Variants in CAMK2G observed in about 807,000 individuals in gnomAD.
CAMK2G encodes the protein calcium/calmodulin dependent protein kinase II gamma.
A neutral mutation model predicts 88.7 loss-of-function variants in CAMK2G; 23 were observed. That is an observed-to-expected ratio of 0.26 (90% confidence interval 0.19 to 0.37). The LOEUF (loss-of-function observed/expected upper bound fraction) is 0.37. Ranked by LOEUF, CAMK2G falls within the 10% of genes least tolerant of loss-of-function variation. CAMK2G has a pLI of 1.00. For missense variants in CAMK2G, 476 were observed against 780.8 expected, an observed-to-expected ratio of 0.61 and a Z score of 4.65; for synonymous variants, 263 against 294.8, an observed-to-expected ratio of 0.89 and a Z score of 1.11.
chr10:73,868,067 T>C (rs1048881512), intron 2 of CAMK2G, among the ~76,000 whole-genome samples: 6 of 152,166 alleles, frequency 3.9e-5, no homozygotes, highest in African/African-American at 1.4e-4. Flanking sequence ...CACCACCCTT[T>C]TGGCACCCAT....
At chr10:73,831,605 C>T (rs1490832789) in intron 14 of CAMK2G, among the ~76,000 whole-genome samples, 2 of 149,902 alleles carry the variant, frequency 1.3e-5, no homozygotes, top group African/African-American at 4.9e-5. Flanking sequence ...CGTGGTGGCT[C>T]ATGCCTGTAA....
At chr10:73,864,921 G>A (rs2095529700) in intron 2 of CAMK2G, among the ~76,000 whole-genome samples, 1 of 152,200 alleles carries the variant, frequency 6.6e-6, no homozygotes, top group Non-Finnish European at 1.5e-5. Context: ...TGGGATTACA[G>A]GCGTGAGCCA....
chr10:73,868,331 C>G (rs1365333141), intron 2 of CAMK2G, among the ~76,000 whole-genome samples: 1 of 152,186 alleles, frequency 6.6e-6, no homozygotes, highest in African/African-American at 2.4e-5. Flanking sequence ...CATCCCCACA[C>G]CATGATGCAG....
At chr10:73,853,790 A>G (rs1389911680) in intron 3 of CAMK2G, among the ~76,000 whole-genome samples, 3 of 152,204 alleles carry the variant, frequency 2.0e-5, no homozygotes, top group African/African-American at 7.2e-5. Flanking sequence ...GACAACAATA[A>G]CAGCTTATTA....
chr10:73,854,892 A>T (rs1308233792), intron 3 of CAMK2G, among the ~76,000 whole-genome samples: 1 of 152,028 alleles, frequency 6.6e-6, no homozygotes, highest in Non-Finnish European at 1.5e-5. Context: ...ACACTATTTG[A>T]TCTAATCTAG....
chr10:73,827,479 C>T (rs2091333051), intron 15 of CAMK2G, among the ~76,000 whole-genome samples: 1 of 152,198 alleles, frequency 6.6e-6, no homozygotes, highest in South Asian at 2.1e-4. Flanking sequence ...GCGCCCGGCC[C>T]CCACCTCTGG....
intron 2 of CAMK2G, among the ~76,000 whole-genome samples, chr10:73,870,049 C>T (rs1034185463): frequency 4.6e-5 from 7 of 151,930 alleles, no homozygotes; most frequent in Non-Finnish European, 7.4e-5. Flanking sequence ...TTATGCTCCA[C>T]GAGGTGAAAA....
At chr10:73,821,888 C>G (rs1002171796) in intron 17 of CAMK2G, among the ~76,000 whole-genome samples, 158 bp from the exon 18 acceptor site, 1 of 152,162 alleles carries the variant, frequency 6.6e-6, no homozygotes, top group Admixed American at 6.5e-5. Flanking sequence ...TCCCAAATCC[C>G]CTCCCTAGTC....
intron 15 of CAMK2G, 36 bp from the exon 16 acceptor site, chr10:73,825,383 A>G: frequency 6.4e-7 from 1 of 1,551,752 alleles, no homozygotes; most frequent in African/African-American, 1.4e-5. Context: ...GTTCCTCCAG[A>G]GTCCCCAAGG....
chr10:73,824,665 A>G (rs1211717444), intron 16 of CAMK2G, among the ~76,000 whole-genome samples: 2 of 152,142 alleles, frequency 1.3e-5, no homozygotes, highest in African/African-American at 2.4e-5. Context: ...AGCAGGCAAC[A>G]TCACCTCTCC....
chr10:73,833,302 A>G (rs1328712780), intron 14 of CAMK2G, among the ~76,000 whole-genome samples: 1 of 151,796 alleles, frequency 6.6e-6, no homozygotes, highest in African/African-American at 2.4e-5. Context: ...CATGTTCAAC[A>G]TTTTTCTGCT....
At chr10:73,840,808 A>G (rs189809755) in intron 12 of CAMK2G, among the ~76,000 whole-genome samples, 16 of 152,374 alleles carry the variant, frequency 1.1e-4, no homozygotes, top group Admixed American at 1.3e-4. Flanking sequence ...CTCTAGGGGC[A>G]ACACCGAAAC....
chr10:73,831,823 A>G (rs2092493719), intron 14 of CAMK2G, among the ~76,000 whole-genome samples: 1 of 151,994 alleles, frequency 6.6e-6, no homozygotes, highest in Non-Finnish European at 1.5e-5. Context: ...TCACACCACT[A>G]CACTCCAGCC....
rs868253271 is a variant in CAMK2G at position 73,838,511 on chromosome 10, T to C, written c.1010-1000A>G. Among the ~76,000 whole-genome samples the C allele has an allele frequency of 7.2e-5, 11 of 152,182 alleles. No homozygotes were observed. In the South Asian group the frequency reaches 8.3e-4, roughly 11 times the overall value. ...TGAAAAGCACTTAGAGTGCCTGGCA[T>C]ATAGCAAGTACTGAGTAAGTGTCCA... On this transcript the variant is annotated intron_variant, in intron 13 of 22. Transcript: ENST00000423381.
chr10:73,834,020 G>A lies in CAMK2G; in HGVS notation c.1053+3448C>T, dbSNP rs532021798. Among the ~76,000 whole-genome samples, 4 of 135,502 alleles carry A rather than the reference G, an allele frequency of 3.0e-5. 1 individual carries two copies. The highest frequency in any genetic ancestry group is 8.6e-5 in the Admixed American group (1 of 11,616). 88.9% of individuals were successfully genotyped at this position (135,502 alleles called of 152,430 possible). ...TGCAAGCTCCGCCTCCCGGGTTCAC[G>A]CCATTCTCCTGCCTCAACCTCCCAA... On this transcript the variant is annotated intron_variant, in intron 14 of 22. Transcript: ENST00000423381.
rs1263633142 is a variant in CAMK2G at position 73,848,213 on chromosome 10, G to A, written c.602-131C>T. 1.2e-5 allele frequency: 8 copies of A among 675,236 alleles called. No individual in the cohort carries two copies. The highest frequency in any genetic ancestry group is 5.0e-5 in the South Asian group (3 of 60,488). The allele number at this position is 675,236 out of a possible 1,614,324, so 41.8% of individuals were successfully genotyped here. ...CCAGAGTCAGAAGTGGATGCCAGCC[G>A]ATAATGCTATGCTACCAGCCCCTCC... On this transcript the variant is annotated intron_variant, in intron 8 of 22. Coordinates refer to ENST00000423381, the MANE Select transcript of CAMK2G (RefSeq NM_001367534.1). This position sits in a 1 kb window ranked among gnomAD's most constrained non-coding sequence, Gnocchi z 4.5.
intron 14 of CAMK2G, among the ~76,000 whole-genome samples, chr10:73,835,587 C>T (rs940993567): frequency 4.0e-5 from 6 of 151,100 alleles, no homozygotes; most frequent in African/African-American, 1.2e-4. Context: ...CCACCGCACC[C>T]GGCTTGCCAA....
At chr10:73,852,341 G>GGGTC in intron 4 of CAMK2G, 22 bp from the exon 5 acceptor site, 1 of 1,609,596 alleles carries the variant, frequency 6.2e-7, no homozygotes, top group South Asian at 1.1e-5. Context: ...GGGAAGAAGA[G>GGGTC]GGTCAGAGGC....
chr10:73,858,660 C>G, intron 3 of CAMK2G, among the ~76,000 whole-genome samples: 1 of 152,344 alleles, frequency 6.6e-6, no homozygotes, highest in African/African-American at 2.4e-5. Flanking sequence ...CTGTGCCCCA[C>G]CTGGCCTCTG....
Sources: allele counts gnomAD v4.1 joint callset (sites outside exome capture counted in the v4.1 genomes callset), GRCh38; gene constraint gnomAD v4.1.1; non-coding constraint Gnocchi (gnomAD v3.1); transcripts MANE v1.5; gene names NCBI Gene and HGNC (gene_info 2026-07-23, HGNC 2026-07-21).